Variants in CDH4 observed in about 807,000 individuals in gnomAD.
CDH4 encodes cadherin-4.
CDH4 carries 33 observed loss-of-function variants against 86.0 expected under a neutral mutation model. The ratio of observed to expected loss-of-function variants is 0.38; its 90% CI spans 0.29 to 0.51. The LOEUF (loss-of-function observed/expected upper bound fraction) is 0.51, where lower values mean the gene tolerates loss of function less well. CDH4 is among the 20% of genes least tolerant of loss of function. The pLI is 0.86. For missense variants in CDH4, 1,114 were observed against 1,307.4 expected (o/e 0.85, Z 2.28); for synonymous variants, 555 against 549.4 (o/e 1.01, Z -0.14).
intron 2 of CDH4, among the ~76,000 whole-genome samples, chr20:61,563,314 T>C (rs2086236601): frequency 1.3e-5 from 2 of 152,234 alleles, no homozygotes; most frequent in South Asian, 4.1e-4. Flanking sequence ...CTTCCGTTTC[T>C]GCTCCTTGAA....
chr20:61,784,988 C>T (rs377353432), intron 4 of CDH4, among the ~76,000 whole-genome samples: 9 of 152,156 alleles, frequency 5.9e-5, no homozygotes, highest in East Asian at 1.9e-4. Flanking sequence ...ACCTGAGCCA[C>T]GCTGGCCACT....
intron 2 of CDH4, among the ~76,000 whole-genome samples, chr20:61,599,344 C>T (rs563416048): frequency 3.9e-5 from 6 of 152,312 alleles, no homozygotes; most frequent in African/African-American, 1.2e-4. Context: ...AGAGGGGGCA[C>T]GCTGGATGGA....
intron 2 of CDH4, among the ~76,000 whole-genome samples, chr20:61,530,492 G>A (rs1228266943): frequency 6.6e-6 from 1 of 152,034 alleles, no homozygotes; most frequent in Non-Finnish European, 1.5e-5. Context: ...GAGGGATGCC[G>A]TGGCAAGGGG....
chr20:61,406,270 CG>C (rs2145485422), intron 2 of CDH4, among the ~76,000 whole-genome samples: 1 of 133,828 alleles, frequency 7.5e-6, no homozygotes, highest in African/African-American at 2.9e-5. Flanking sequence ...CTGCTCTACC[CG>C]GACCACCATC....
chr20:61,858,203 CTATA>C (rs1232319584), intron 6 of CDH4, among the ~76,000 whole-genome samples: 1 of 136,382 alleles, frequency 7.3e-6, no homozygotes, highest in East Asian at 2.2e-4. Context: ...GTCTCTGTGT[CTATA>C]TGTGTGTCTG....
At chr20:61,342,664 G>T (rs890807814) in intron 2 of CDH4, among the ~76,000 whole-genome samples, 1 of 152,200 alleles carries the variant, frequency 6.6e-6, no homozygotes, top group Non-Finnish European at 1.5e-5. Context: ...CAGTCCCGGG[G>T]GTTGGGGACC....
chr20:61,252,528 C>T lies in CDH4; in HGVS notation c.15C>T (p.Ala5=). The change falls in exon 1 of 16, where the codon GCC becomes GCT. Residue 5 remains alanine (A), a synonymous_variant. Coordinates refer to ENST00000614565, the MANE Select transcript of CDH4 (RefSeq NM_001794.5). The surrounding 1 kb of genome is among the most constrained non-coding windows in gnomAD (Gnocchi z 4.4). MTAG[A]GVLLLLLSLS... ...CGGCGGGGAAGATGACCGCGGGCGC[C>T]GGCGTGCTCCTTCTGCTGCTCTCGC... 8.4e-7 allele frequency: 1 copy of T among 1,195,712 alleles called. No individual in the cohort carries two copies. The highest frequency in any genetic ancestry group is 1.0e-6 in the Non-Finnish European group (1 of 965,066). The allele number at this position is 1,195,712 out of a possible 1,614,324, so 74.1% of individuals were successfully genotyped here. A position where few individuals can be genotyped will look rare whatever the true frequency, so the allele number is the denominator to read the frequency against.
At chr20:61,430,630 G>C (rs1027078067) in intron 2 of CDH4, among the ~76,000 whole-genome samples, 7 of 152,194 alleles carry the variant, frequency 4.6e-5, no homozygotes, top group Non-Finnish European at 8.8e-5. Context: ...AGGAGGTAAA[G>C]GAAGGAAACA....
At chr20:61,379,817 G>A (rs565511479) in intron 2 of CDH4, among the ~76,000 whole-genome samples, 1 of 152,276 alleles carries the variant, frequency 6.6e-6, no homozygotes, top group Admixed American at 6.5e-5. Flanking sequence ...AAGTTTTAGA[G>A]GTGAAGTGTC....
chr20:61,700,688 G>A (rs2087765616), intron 2 of CDH4, among the ~76,000 whole-genome samples: 1 of 152,042 alleles, frequency 6.6e-6, no homozygotes, highest in Non-Finnish European at 1.5e-5. Flanking sequence ...CGGCCTCCCT[G>A]TGGGGCCACA....
At position 61,654,914 on chromosome 20, in the gene CDH4, C is replaced by T. The variant is rs368450050; in HGVS notation, c.170-88649C>T. Among the ~76,000 whole-genome samples the T allele has an allele frequency of 7.5e-3, 471 of 62,480 alleles. 1 individual carries two copies. Among genetic ancestry groups the T allele is most frequent in the African/African-American group, 0.017 (429 of 24,900 alleles). 41.0% of individuals were successfully genotyped at this position (62,480 alleles called of 152,430 possible). On this transcript the variant is annotated intron_variant, in intron 2 of 15. Coordinates refer to ENST00000614565, the MANE Select transcript of CDH4 (RefSeq NM_001794.5). ...CCCAGCCCCGCTCTGGACAGGGACA[C>T]GGGGGCCTGAGCCAGCCTCGCTCTG...
At chr20:61,364,916 A>G (rs4075169) in intron 2 of CDH4, among the ~76,000 whole-genome samples, 123,196 of 152,090 alleles carry the variant, frequency 0.81, 50,007 homozygotes, top group South Asian at 0.9. Flanking sequence ...CAGAGTGGGG[A>G]CAGCAGGAAC....
chr20:61,843,106 C>A (rs1002882789), intron 4 of CDH4, among the ~76,000 whole-genome samples: 2 of 152,106 alleles, frequency 1.3e-5, no homozygotes, highest in African/African-American at 4.8e-5. Context: ...TGCGGTAGTT[C>A]ACACCTGTAA....
chr20:61,758,261 G>A (rs2088589907), intron 3 of CDH4, among the ~76,000 whole-genome samples: 2 of 152,130 alleles, frequency 1.3e-5, no homozygotes, highest in South Asian at 4.1e-4. Context: ...AAAAATTCCC[G>A]TGGGAGGAGT....
intron 2 of CDH4, among the ~76,000 whole-genome samples, chr20:61,565,331 ATGGTGGTAG>A (rs2086282738): frequency 6.0e-5 from 1 of 16,532 alleles, no homozygotes; most frequent in African/African-American, 4.4e-4. Flanking sequence ...GCTCTTGGTG[ATGGTGGTAG>A]TGGTCCTCTT....
chr20:61,574,717 A>G (rs2253065), intron 2 of CDH4, among the ~76,000 whole-genome samples: 117,437 of 151,920 alleles, frequency 0.77, 45,497 homozygotes, highest in African/African-American at 0.81. Flanking sequence ...GCCTCTCCAC[A>G]GGTTGGGGGA....
At position 61,708,229 on chromosome 20, in the gene CDH4, G is replaced by T. The variant is rs2087853040; in HGVS notation, c.170-35334G>T. On this transcript the variant is annotated intron_variant, in intron 2 of 15. Coordinates refer to ENST00000614565, the MANE Select transcript of CDH4 (RefSeq NM_001794.5). The surrounding 1 kb of genome is among the most constrained non-coding windows in gnomAD (Gnocchi z 4.5). ...GCCTGGACCTGCACACACACACAGG[G>T]CTGAGTGTAGCGTGGCCAGCAGGGG... 6.6e-6 allele frequency among the ~76,000 whole-genome samples: 1 copy of T among 152,256 alleles called. No individual in the cohort carries two copies. The highest frequency in any genetic ancestry group is 2.4e-5 in the African/African-American group (1 of 41,558).
At chr20:61,565,417 T>TCTTGGTGATGGGGTG in intron 2 of CDH4, among the ~76,000 whole-genome samples, 1 of 140,816 alleles carries the variant, frequency 7.1e-6, no homozygotes, top group Non-Finnish European at 1.6e-5. Flanking sequence ...GTGCTCTTGC[T>TCTTGGTGATGGGGTG]ATTGTTGTTG....
intron 2 of CDH4, among the ~76,000 whole-genome samples, chr20:61,432,335 T>A (rs2145517239): frequency 6.6e-6 from 1 of 152,278 alleles, no homozygotes; most frequent in African/African-American, 2.4e-5. Flanking sequence ...TTCTAGTGAG[T>A]GGGGCTTCAT....
Sources: allele counts gnomAD v4.1 joint callset (sites outside exome capture counted in the v4.1 genomes callset), GRCh38; gene constraint gnomAD v4.1.1; non-coding constraint Gnocchi (gnomAD v3.1); transcripts MANE v1.5; gene names NCBI Gene and HGNC (gene_info 2026-07-23, HGNC 2026-07-21).